The following MTOR variants were observed in gnomAD, a reference collection of about 807,000 sequenced individuals.
MTOR encodes mechanistic target of rapamycin kinase.
MTOR carries 70 observed loss-of-function variants against 319.8 expected under a neutral mutation model. That is an observed-to-expected ratio of 0.22 (90% CI 0.18 to 0.27). The LOEUF (loss-of-function observed/expected upper bound fraction) is 0.27. Ranked by LOEUF, MTOR falls within the 10% of genes least tolerant of loss-of-function variation. MTOR has a pLI of 1.00. For synonymous variants in MTOR, 1,183 were observed against 1,211.4 expected (o/e 0.98, Z 0.49); for missense variants, 1,890 against 3,274.4 (o/e 0.58, Z 10.32).
chr1:11,202,003 G>A (rs1645985424), intron 26 of MTOR, among the ~76,000 whole-genome samples: 1 of 152,070 alleles, frequency 6.6e-6, no homozygotes, highest in South Asian at 2.1e-4. Context: ...ATAGAGTCTC[G>A]CTAGGTTGCC....
chr1:11,206,825 C>T (rs954031465), intron 25 of MTOR, among the ~76,000 whole-genome samples: 10 of 152,224 alleles, frequency 6.6e-5, no homozygotes, highest in Non-Finnish European at 1.0e-4. Flanking sequence ...CCAGCTTACT[C>T]ATGGTGAAGG....
chr1:11,182,971 G>C (rs1019038086), intron 28 of MTOR, among the ~76,000 whole-genome samples: 12 of 152,154 alleles, frequency 7.9e-5, no homozygotes, highest in Non-Finnish European at 1.8e-4. Context: ...ACTTCTGCTG[G>C]AAAATATCTA....
chr1:11,111,249 C>T (rs557997441), intron 54 of MTOR: 63 of 433,736 alleles, frequency 1.5e-4, no homozygotes, highest in East Asian at 3.8e-4. Context: ...GAGGCCGAGG[C>T]GGGCAGATCA....
intron 38 of MTOR, 136 bp downstream of exon 38, chr1:11,132,944 A>C: frequency 1.4e-6 from 1 of 708,836 alleles, no homozygotes. Context: ...CCTCTTATAG[A>C]TAGGCTCCAG....
In MTOR at chr1:11,195,062, C is replaced by T. The variant is rs907102197; in HGVS notation, c.4253+4196G>A. 7 of 1,601,396 alleles carry T rather than the reference C, an allele frequency of 4.4e-6. No homozygotes were observed. The African/African-American group carries it at 5.4e-5, about 12-fold the overall frequency. ...TGGAGCACGGATACAGAAACTGAGA[C>T]ACGTGGAGACTGGATGAGGGCAGAT... On this transcript the variant is annotated intron_variant, in intron 28 of 57. Transcript: ENST00000361445.
intron 28 of MTOR, among the ~76,000 whole-genome samples, chr1:11,171,063 C>T (rs1225241943): frequency 2.0e-5 from 3 of 150,402 alleles, no homozygotes; most frequent in Non-Finnish European, 4.4e-5. Context: ...GGCGTGGTGG[C>T]GGGCACCTGT....
chr1:11,245,410 T>G (rs1648680943), intron 8 of MTOR, among the ~76,000 whole-genome samples: 1 of 152,198 alleles, frequency 6.6e-6, no homozygotes, highest in Non-Finnish European at 1.5e-5. Context: ...TGAATTAGAC[T>G]TCTAAAATAG....
rs184321569 is a variant in MTOR, at chr1:11,109,215, G to T, written c.7528+75C>A. 5.1e-6 allele frequency: 7 copies of T among 1,376,432 alleles called. No individual in the cohort carries two copies. Among genetic ancestry groups the T allele is most frequent in the East Asian group, 2.3e-5 (1 of 43,784 alleles). 85.3% of individuals were successfully genotyped at this position (1,376,432 alleles called of 1,614,324 possible). The stretch of plus-strand genomic sequence containing the variant: ...CTCGTCACTAACACCACTGGACATG[G>T]GGCTGACCACCACTCAGAGAGGAAA... On this transcript the variant is annotated intron_variant, in intron 56 of 57. Coordinates refer to ENST00000361445, the MANE Select transcript of MTOR (RefSeq NM_004958.4). The surrounding 1 kb of genome is among the most constrained non-coding windows in gnomAD (Gnocchi z 4.0).
At chr1:11,167,214 T>A (rs1395919350) in intron 29 of MTOR, among the ~76,000 whole-genome samples, 2 of 151,508 alleles carry the variant, frequency 1.3e-5, no homozygotes, top group African/African-American at 4.9e-5. Flanking sequence ...CTGCACGTTG[T>A]GCACATGTAC....
intron 28 of MTOR, chr1:11,189,455 A>C (rs1211127611): frequency 2.2e-5 from 26 of 1,178,862 alleles, no homozygotes; most frequent in Non-Finnish European, 3.1e-5. Context: ...AGAAAACAAC[A>C]AAGTGGCGAG....
chr1:11,121,501 T>A lies in MTOR; in HGVS notation c.6811-133A>T. 8.0e-7 allele frequency: 1 copy of A among 1,250,134 alleles called. No homozygotes were observed. The highest frequency in any genetic ancestry group is 1.1e-6 in the Non-Finnish European group (1 of 904,544). The allele number at this position is 1,250,134 out of a possible 1,614,324, so 77.4% of individuals were successfully genotyped here. A position where few individuals can be genotyped will look rare whatever the true frequency, so the allele number is the denominator to read the frequency against. The stretch of plus-strand genomic sequence containing the variant: ...CATCATAGCCAAAGGAGAAGGGAAA[T>A]AAGAACATGGCAAAAGGAGAAACGA... On this transcript the variant is annotated intron_variant, in intron 48 of 57. Coordinates refer to ENST00000361445, the MANE Select transcript of MTOR (RefSeq NM_004958.4). The surrounding 1 kb of genome is among the most constrained non-coding windows in gnomAD (Gnocchi z 4.9).
intron 19 of MTOR, among the ~76,000 whole-genome samples, chr1:11,219,766 A>G (rs947752753): frequency 2.0e-5 from 3 of 152,060 alleles, no homozygotes; most frequent in Non-Finnish European, 2.9e-5. Flanking sequence ...GCTCATGCCT[A>G]TAATTCCAGC....
chr1:11,222,944 T>G (rs1417693749), intron 19 of MTOR, among the ~76,000 whole-genome samples: 1 of 152,126 alleles, frequency 6.6e-6, no homozygotes, highest in Non-Finnish European at 1.5e-5. Context: ...TTTACATCAC[T>G]AGCAGTGGGT....
In MTOR at chr1:11,256,914, C is replaced by T. The variant is rs1255388298; in HGVS notation, c.504+19G>A. On this transcript the variant is annotated intron_variant, in intron 4 of 57. Coordinates refer to ENST00000361445, the MANE Select transcript of MTOR (RefSeq NM_004958.4). Reference sequence around the variant, plus strand: ...ATCGTTCCCCAAGCCTGGCTGTGCTCCTCCCTGTAGACACTCACAGCTGCA... The same window carrying T: ...ATCGTTCCCCAAGCCTGGCTGTGCTTCTCCCTGTAGACACTCACAGCTGCA... The T allele has an allele frequency of 1.2e-6, 2 of 1,609,102 alleles. No individual in the cohort carries two copies. The highest frequency in any genetic ancestry group is 2.2e-5 in the East Asian group (1 of 44,834).
At chr1:11,126,130 A>G (rs912180623) in intron 46 of MTOR, among the ~76,000 whole-genome samples, 1 of 148,018 alleles carries the variant, frequency 6.8e-6, no homozygotes, top group African/African-American at 2.5e-5. Flanking sequence ...CATAAGTAAC[A>G]CTCTACCCCA....
intron 29 of MTOR, among the ~76,000 whole-genome samples, chr1:11,163,092 C>G (rs1186976383): frequency 6.6e-6 from 1 of 152,014 alleles, no homozygotes; most frequent in Non-Finnish European, 1.5e-5. Flanking sequence ...GGAGGAAGAT[C>G]TACCAAGCAA....
At chr1:11,193,904 A>G in intron 28 of MTOR, 1 of 1,044,792 alleles carries the variant, frequency 9.6e-7, no homozygotes, top group Non-Finnish European at 1.4e-6. Context: ...TTTTCCTGCA[A>G]GTTGTAATGG....
At chr1:11,165,189 A>T (rs1435913241) in intron 29 of MTOR, among the ~76,000 whole-genome samples, 1 of 152,240 alleles carries the variant, frequency 6.6e-6, no homozygotes, top group Non-Finnish European at 1.5e-5. Context: ...AACTGGCACA[A>T]GACAGGGATG....
Position 11,167,491 on chromosome 1 carries a change from T to G in MTOR, c.4280A>C (p.Glu1427Ala). The G allele has an allele frequency of 1.2e-6, 2 of 1,613,134 alleles. No homozygotes were observed. The highest frequency in any genetic ancestry group is 1.7e-6 in the Non-Finnish European group (2 of 1,179,806). Residue 1427 changes from glutamate to alanine, a missense_variant, in exon 29 of 58, where the codon GAG (glutamate) becomes GCG (alanine). Coordinates refer to ENST00000361445, the MANE Select transcript of MTOR (RefSeq NM_004958.4). The part of the protein sequence containing the change: ...ISINNKLQQP[E>A]AAAGVLEYAM... ...ATATTCTAACACTCCGGCCGCTGCCTCCGGCTGCTGTAGCTTATTATTAAT... is the reference window on the plus strand; with the variant it reads ...ATATTCTAACACTCCGGCCGCTGCCGCCGGCTGCTGTAGCTTATTATTAAT...
Sources: allele counts gnomAD v4.1 joint callset (sites outside exome capture counted in the v4.1 genomes callset), GRCh38; gene constraint gnomAD v4.1.1; non-coding constraint Gnocchi (gnomAD v3.1); transcripts MANE v1.5; gene names NCBI Gene and HGNC (gene_info 2026-07-23, HGNC 2026-07-21).